Variants in MTMR3 observed in about 807,000 individuals in gnomAD.
MTMR3 encodes phosphatidylinositol-3,5-bisphosphate 3-phosphatase MTMR3.
MTMR3 carries 32 observed loss-of-function variants against 132.4 expected under a neutral mutation model. The observed-to-expected ratio is 0.24, with a 90% CI of 0.18 to 0.32. The LOEUF (loss-of-function observed/expected upper bound fraction) is 0.32. MTMR3 is among the 10% of genes least tolerant of loss of function. The pLI is 1.00. For synonymous variants in MTMR3, 556 were observed against 550.3 expected, an observed-to-expected ratio of 1.01 and a Z score of -0.14; for missense variants, 1,216 against 1,489.6, an observed-to-expected ratio of 0.82 and a Z score of 3.02.
At chr22:29,940,680 G>A (rs999706097) in intron 1 of MTMR3, among the ~76,000 whole-genome samples, 2 of 150,136 alleles carry the variant, frequency 1.3e-5, no homozygotes, top group African/African-American at 2.5e-5. Flanking sequence ...CAATAGACTA[G>A]CAAGTGGTTG....
chr22:29,938,574 C>A (rs2065795606), intron 1 of MTMR3, among the ~76,000 whole-genome samples: 2 of 151,990 alleles, frequency 1.3e-5, no homozygotes, highest in Admixed American at 1.3e-4. Flanking sequence ...TATGCAAATT[C>A]TTTTCTTCTT....
At chr22:29,922,310 C>T (rs902876161) in intron 1 of MTMR3, among the ~76,000 whole-genome samples, 3 of 152,144 alleles carry the variant, frequency 2.0e-5, no homozygotes, top group East Asian at 3.9e-4. Context: ...TGAGCCACCA[C>T]GCCCGGCCTG....
At chr22:29,991,758 A>G (rs1601387531) in intron 7 of MTMR3, 88 bp downstream of exon 7, 3 of 1,334,938 alleles carry the variant, frequency 2.2e-6, no homozygotes, top group South Asian at 3.0e-5. Flanking sequence ...ACACCTAAGC[A>G]TTCATATATC....
intron 1 of MTMR3, among the ~76,000 whole-genome samples, chr22:29,944,944 T>C (rs370448763): frequency 6.6e-6 from 1 of 152,244 alleles, no homozygotes; most frequent in East Asian, 1.9e-4. Flanking sequence ...TGTGTGTGAT[T>C]TATAATAATA....
intron 1 of MTMR3, among the ~76,000 whole-genome samples, chr22:29,886,804 T>A (rs1270403915): frequency 6.6e-6 from 1 of 152,190 alleles, no homozygotes; most frequent in East Asian, 1.9e-4. Context: ...TGGCTTAGTG[T>A]TGAAATCAAA....
At chr22:29,986,545 C>A in intron 5 of MTMR3, 1 of 978,916 alleles carries the variant, frequency 1.0e-6, no homozygotes, top group Non-Finnish European at 1.2e-6. Context: ...CAGAAGAATT[C>A]TTAGTTGCAT....
intron 10 of MTMR3, chr22:30,007,581 C>CT (rs774161125): frequency 2.7e-5 from 15 of 563,364 alleles, no homozygotes; most frequent in Non-Finnish European, 4.7e-5. Flanking sequence ...TAATAGAGGA[C>CT]TTGCAGTATC....
At chr22:29,930,622 G>A (rs552469994) in intron 1 of MTMR3, among the ~76,000 whole-genome samples, 1 of 152,304 alleles carries the variant, frequency 6.6e-6, no homozygotes, top group East Asian at 1.9e-4. Context: ...AGCCAGGAAG[G>A]TCAAGGCTGC....
chr22:29,940,900 T>G (rs1347254027), intron 1 of MTMR3, among the ~76,000 whole-genome samples: 1 of 150,080 alleles, frequency 6.7e-6, no homozygotes, highest in East Asian at 1.9e-4. Context: ...TCATATGCAT[T>G]CCTTCAGAAA....
At chr22:29,985,906 G>T (rs902314089) in intron 5 of MTMR3, 1 of 152,152 alleles carries the variant, frequency 6.6e-6, no homozygotes, top group African/African-American at 2.4e-5. Flanking sequence ...ATTTGGGCAC[G>T]GGCCATTGGG....
At chr22:29,909,991 T>C (rs1029820563) in intron 1 of MTMR3, among the ~76,000 whole-genome samples, 2 of 151,774 alleles carry the variant, frequency 1.3e-5, no homozygotes, top group Non-Finnish European at 2.9e-5. Context: ...CCGTCTCTAC[T>C]AAAAAATACA....
At chr22:29,948,853 C>T (rs1176420034) in intron 1 of MTMR3, among the ~76,000 whole-genome samples, 1 of 150,386 alleles carries the variant, frequency 6.6e-6, no homozygotes, top group African/African-American at 2.4e-5. Flanking sequence ...GCCTGTAATT[C>T]CAACACTTTG....
In MTMR3 at chr22:30,016,368, T is replaced by TGAG. The variant is rs1326170644; in HGVS notation, c.1504-149_1504-147dup. ...TTGTTGGGTCCTGGAATTGGTGGTG[T>TGAG]GAGGAGGAGGAGGCTACTGCATGGC... On this transcript the variant is annotated intron_variant, in intron 14 of 19. Coordinates refer to ENST00000401950, the MANE Select transcript of MTMR3 (RefSeq NM_021090.4). The TGAG allele has an allele frequency of 5.4e-5, 37 of 685,452 alleles. No individual in the cohort carries two copies. The East Asian group carries it at 9.0e-4, about 17-fold the overall frequency. 42.5% of individuals were successfully genotyped at this position (685,452 alleles called of 1,614,324 possible). A position where few individuals can be genotyped will look rare whatever the true frequency, so the allele number is the denominator to read the frequency against.
chr22:29,947,189 C>T (rs181731350), intron 1 of MTMR3, among the ~76,000 whole-genome samples: 1 of 152,208 alleles, frequency 6.6e-6, no homozygotes, highest in East Asian at 1.9e-4. Flanking sequence ...ATTTCTTTCT[C>T]CTCTTTCCGA....
chr22:29,964,861 T>C (rs1002639453), intron 2 of MTMR3, among the ~76,000 whole-genome samples: 9 of 152,244 alleles, frequency 5.9e-5, no homozygotes, highest in African/African-American at 1.7e-4. Flanking sequence ...AACTTACTAC[T>C]ATTCACATGA....
At chr22:30,022,725 G>T (rs756374726) in intron 19 of MTMR3, 28 bp downstream of exon 19, 2 of 1,585,986 alleles carry the variant, frequency 1.3e-6, no homozygotes, top group South Asian at 1.1e-5. Context: ...TGGTAGGGTG[G>T]GCTGTGTGTG....
Position 29,991,622 on chromosome 22 carries a change from G to C in MTMR3, c.412G>C (p.Glu138Gln). ...ATTTGCATACCATGCTTGGTGCATG[G>C]AGGTCTATGCCAGTGAAAAAGAGCA... ...FSFAYHAWCM[E>Q]VYASEKEQHG... The change falls in exon 7 of 20, where the codon GAG (glutamate) becomes CAG (glutamine). Residue 138 changes from glutamate (E) to glutamine (Q), a missense_variant. This residue lies in a region of MTMR3 where 129 missense variants were observed against 245.7 expected (regional missense o/e 0.53). Coordinates refer to ENST00000401950, the MANE Select transcript of MTMR3 (RefSeq NM_021090.4). 6.2e-7 allele frequency: 1 copy of C among 1,613,844 alleles called. No homozygotes were observed. The highest frequency in any genetic ancestry group is 8.5e-7 in the Non-Finnish European group (1 of 1,179,924).
rs1279846202 is a variant in MTMR3, at chr22:29,998,829, A to C, written c.529A>C (p.Arg177=). ...GGGTTTTGATATGAACAACGCCTGG[A>C]GGATTTCCAACATCAATGAGAAGTA... ...RMGFDMNNAW[R]ISNINEKYKL... Residue 177 remains arginine, a synonymous_variant, in exon 8 of 20, where the codon AGG becomes CGG. Coordinates refer to ENST00000401950, the MANE Select transcript of MTMR3 (RefSeq NM_021090.4). 1 of 1,611,242 alleles carries C rather than the reference A, an allele frequency of 6.2e-7. No individual in the cohort carries two copies. The highest frequency in any genetic ancestry group is 1.3e-5 in the African/African-American group (1 of 74,826).
chr22:29,940,734 A>G lies in MTMR3; in HGVS notation c.-137-16302A>G, dbSNP rs796544301. 2.7e-4 allele frequency among the ~76,000 whole-genome samples: 41 copies of G among 150,290 alleles called. 5 individuals carry two copies. Among genetic ancestry groups the G allele is most frequent in the African/African-American group, 9.8e-4 (39 of 39,658 alleles). On this transcript the variant is annotated intron_variant, in intron 1 of 19. Coordinates refer to ENST00000401950, the MANE Select transcript of MTMR3 (RefSeq NM_021090.4). ...AGGTGCCAGGTGACTGACTAATGCC[A>G]TCGTAAAGCACATGCCCTTGATCAC... is the stretch of plus-strand genomic sequence containing the variant.
Sources: allele counts gnomAD v4.1 joint callset (sites outside exome capture counted in the v4.1 genomes callset), GRCh38; gene constraint gnomAD v4.1.1; regional missense constraint gnomAD v4.1.1; transcripts MANE v1.5; gene names NCBI Gene and HGNC (gene_info 2026-07-23, HGNC 2026-07-21).